NARS2: variants seen among roughly 807,000 people sequenced by gnomAD.
NARS2 encodes asparaginyl-tRNA synthetase 2, mitochondrial, also known as asparaginyl-tRNA synthetase.
In NARS2, 60 loss-of-function variants were observed where a neutral mutation model predicts 62.9. The ratio of observed to expected loss-of-function variants is 0.95; its 90% CI spans 0.77 to 1.18. The LOEUF (loss-of-function observed/expected upper bound fraction) is 1.18, where lower values mean the gene tolerates loss of function less well. Among genes scored for constraint, NARS2 ranks in the 50% most tolerant of loss-of-function variants. The pLI is 0.00. For synonymous variants in NARS2, 196 were observed against 200.0 expected, an observed-to-expected ratio of 0.98 and a Z score of 0.17; for missense variants, 619 against 576.4, an observed-to-expected ratio of 1.07 and a Z score of -0.76.
At chr11:78,517,913 G>A (rs1045089136) in intron 6 of NARS2, among the ~76,000 whole-genome samples, 1 of 152,102 alleles carries the variant, frequency 6.6e-6, no homozygotes, top group Admixed American at 6.5e-5. Context: ...TTAAAGAAGT[G>A]TATTTATCAT....
At chr11:78,471,599 A>G (rs1023710467) in intron 9 of NARS2, among the ~76,000 whole-genome samples, 1 of 151,564 alleles carries the variant, frequency 6.6e-6, no homozygotes, top group African/African-American at 2.4e-5. Context: ...TTAGTTACAT[A>G]TGTATACATG....
At chr11:78,478,809 G>C (rs990948359) in intron 7 of NARS2, 126 bp from the exon 8 acceptor site, 13 of 488,964 alleles carry the variant, frequency 2.7e-5, no homozygotes, top group Admixed American at 4.0e-5. Context: ...TTTAATCCTT[G>C]AATGTACCAT....
chr11:78,553,021 C>A (rs965099282), intron 5 of NARS2, among the ~76,000 whole-genome samples: 1 of 152,320 alleles, frequency 6.6e-6, no homozygotes, highest in Admixed American at 6.5e-5. Context: ...TTAGCTCTTT[C>A]AGAAATCACC....
chr11:78,483,619 TG>T (rs1283115709), intron 7 of NARS2, among the ~76,000 whole-genome samples: 1 of 152,140 alleles, frequency 6.6e-6, no homozygotes, highest in Non-Finnish European at 1.5e-5. Context: ...AGCCAAATCA[TG>T]AGTCAACTCC....
chr11:78,454,376 T>C (rs182776475), intron 11 of NARS2, among the ~76,000 whole-genome samples: 158 of 152,316 alleles, frequency 1.0e-3, no homozygotes, highest in Non-Finnish European at 1.9e-3. Context: ...GCCATTCCGA[T>C]GGTAATGGCT....
At chr11:78,464,163 C>G (rs892125580) in intron 11 of NARS2, among the ~76,000 whole-genome samples, 1 of 151,146 alleles carries the variant, frequency 6.6e-6, no homozygotes, top group Admixed American at 6.6e-5. Flanking sequence ...GTTAACAGCT[C>G]TTTAGGCGGC....
intron 11 of NARS2, among the ~76,000 whole-genome samples, chr11:78,452,953 C>T (rs965594982): frequency 6.6e-6 from 1 of 152,072 alleles, no homozygotes; most frequent in South Asian, 2.1e-4. Context: ...TGGCGGTTAC[C>T]GGGAGTAATG....
At chr11:78,517,863 A>G (rs1860969777) in intron 6 of NARS2, among the ~76,000 whole-genome samples, 1 of 152,228 alleles carries the variant, frequency 6.6e-6, no homozygotes, top group African/African-American at 2.4e-5. Context: ...TCATATTTCT[A>G]TCCACACAGG....
Position 78,538,888 on chromosome 11 carries a change from G to A in NARS2, c.595-9952C>T, listed in dbSNP as rs1043545190. On this transcript the variant is annotated intron_variant, in intron 5 of 13. Coordinates refer to ENST00000281038, the MANE Select transcript of NARS2 (RefSeq NM_024678.6). ...CGGGCGCCTGTAGTCCCAGCTACTCGGGAGGCTGAGGCAGGAGAATGGCGT... is the reference window on the plus strand; with the variant it reads ...CGGGCGCCTGTAGTCCCAGCTACTCAGGAGGCTGAGGCAGGAGAATGGCGT... Among the ~76,000 whole-genome samples, 16 of 149,484 alleles carry A rather than the reference G, an allele frequency of 1.1e-4. No homozygotes were observed. In the East Asian group the frequency reaches 1.4e-3, roughly 13 times the overall value.
intron 5 of NARS2, among the ~76,000 whole-genome samples, chr11:78,544,924 G>A (rs1339734744): frequency 1.3e-5 from 2 of 151,812 alleles, no homozygotes; most frequent in African/African-American, 4.8e-5. Context: ...AGGTTGCAGT[G>A]AGGTGAGATC....
intron 6 of NARS2, among the ~76,000 whole-genome samples, chr11:78,521,972 C>A (rs1160646591): frequency 6.6e-6 from 1 of 152,014 alleles, no homozygotes; most frequent in Non-Finnish European, 1.5e-5. Flanking sequence ...GAGGCAGCAA[C>A]AATCTCCTCC....
intron 11 of NARS2, among the ~76,000 whole-genome samples, chr11:78,463,502 A>T (rs917825034): frequency 6.6e-6 from 1 of 152,188 alleles, no homozygotes; most frequent in African/African-American, 2.4e-5. Flanking sequence ...CCTGGCCAAC[A>T]TGGTGAAACC....
chr11:78,559,087 A>C (rs998703513), intron 5 of NARS2, among the ~76,000 whole-genome samples: 1 of 152,066 alleles, frequency 6.6e-6, no homozygotes, highest in Non-Finnish European at 1.5e-5. Flanking sequence ...GGTGGATTAC[A>C]AGGTCAAGAG....
At chr11:78,563,071 T>G (rs1049447782) in intron 4 of NARS2, among the ~76,000 whole-genome samples, 1 of 152,150 alleles carries the variant, frequency 6.6e-6, no homozygotes, top group Non-Finnish European at 1.5e-5. Flanking sequence ...TAGATAACTA[T>G]CACACATAAA....
At chr11:78,511,703 C>T (rs990723508) in intron 6 of NARS2, among the ~76,000 whole-genome samples, 24 of 145,164 alleles carry the variant, frequency 1.7e-4, no homozygotes, top group African/African-American at 5.1e-4. Context: ...GGTGACAGAG[C>T]GAGACTCCGT....
At chr11:78,547,697 G>T (rs376687553) in intron 5 of NARS2, among the ~76,000 whole-genome samples, 5 of 152,168 alleles carry the variant, frequency 3.3e-5, no homozygotes, top group African/African-American at 1.2e-4. Flanking sequence ...GCTGGGTGTG[G>T]TAGCTAATAA....
At chr11:78,452,634 C>G (rs968868656) in intron 11 of NARS2, among the ~76,000 whole-genome samples, 1 of 152,038 alleles carries the variant, frequency 6.6e-6, no homozygotes, top group African/African-American at 2.4e-5. Context: ...GTCTCAAACT[C>G]CTTGGCTCAA....
intron 1 of NARS2, among the ~76,000 whole-genome samples, chr11:78,572,894 A>G (rs1856981866): frequency 6.6e-6 from 1 of 152,182 alleles, no homozygotes; most frequent in African/African-American, 2.4e-5. Context: ...TTACACTTAT[A>G]GCACATCTCA....
intron 11 of NARS2, among the ~76,000 whole-genome samples, chr11:78,459,035 A>T (rs1301677066): frequency 1.3e-5 from 2 of 151,822 alleles, no homozygotes; most frequent in South Asian, 4.2e-4. Flanking sequence ...CTCCTGTCTC[A>T]GCCTCCCGAG....
Sources: gnomAD v4.1 joint callset for allele counts (sites outside exome capture counted in the v4.1 genomes callset) on GRCh38, gnomAD v4.1.1 for gene constraint, MANE v1.5 for transcripts, NCBI Gene and HGNC (gene_info 2026-07-23, HGNC 2026-07-21) for gene names.